The following GLIS3 variants were observed in gnomAD, a reference collection of about 807,000 sequenced individuals.
GLIS3 encodes GLIS family zinc finger 3.
GLIS3 carries 53 observed loss-of-function variants against 78.6 expected under a neutral mutation model. The observed-to-expected ratio is 0.67, with a 90% CI of 0.54 to 0.85. GLIS3 has a LOEUF of 0.85. Ranked by LOEUF, GLIS3 falls within the 40% of genes least tolerant of loss-of-function variation. The probability of loss-of-function intolerance (pLI) is 0.00; values close to 1 mark genes in which losing one functional copy is unlikely to be tolerated. For synonymous variants in GLIS3, 684 were observed against 509.9 expected (o/e 1.34, Z -4.60); for missense variants, 1,703 against 1,231.1 (o/e 1.38, Z -5.74).
chr9:4,259,250 T>TG (rs1274426917), intron 2 of GLIS3, among the ~76,000 whole-genome samples: 1 of 149,396 alleles, frequency 6.7e-6, no homozygotes, highest in African/African-American at 2.5e-5. Flanking sequence ...ATTTCATTTA[T>TG]TTATTTATTT....
At chr9:4,055,704 C>T (rs959552057) in intron 4 of GLIS3, among the ~76,000 whole-genome samples, 1 of 152,100 alleles carries the variant, frequency 6.6e-6, no homozygotes, top group Non-Finnish European at 1.5e-5. Context: ...GTGATCAGGT[C>T]CAAAATAAAA....
At chr9:3,888,936 A>C (rs1017739575) in intron 7 of GLIS3, among the ~76,000 whole-genome samples, 1 of 152,306 alleles carries the variant, frequency 6.6e-6, no homozygotes, top group South Asian at 2.1e-4. Context: ...ATTTTGAGGA[A>C]GCATGTGACA....
rs377419083 is a variant in GLIS3 at position 4,118,218 on chromosome 9, G to A, written c.1260C>T (p.Pro420=). 4.7e-4 allele frequency: 744 copies of A among 1,583,948 alleles called. 5 individuals carry two copies. The African/African-American group carries it at 8.6e-3, about 18-fold the overall frequency. Residue 420 remains proline (P), a synonymous_variant, in exon 4 of 11, where the codon CCC becomes CCT. Transcript: ENST00000381971. The surrounding 1 kb of genome is among the most constrained non-coding windows in gnomAD (Gnocchi z 4.7). ...HMVVQHGLPG[P]DSQSAGLFKT... ...TGAACAGGCCGGCCGACTGGCTGTCGGGGCCCGGCAGGCCATGCTGCACCA... is the reference window on the plus strand; with the variant it reads ...TGAACAGGCCGGCCGACTGGCTGTCAGGGCCCGGCAGGCCATGCTGCACCA...
At chr9:4,288,336 A>G (rs2130363680) in intron 1 of GLIS3, among the ~76,000 whole-genome samples, 1 of 152,330 alleles carries the variant, frequency 6.6e-6, no homozygotes, top group East Asian at 1.9e-4. Flanking sequence ...CCCCGCCAAA[A>G]AAAGGCAAAA....
chr9:4,125,633 A>AGTGTGT lies in GLIS3; in HGVS notation c.596+95_596+100dup, dbSNP rs71497518. 0.22 allele frequency: 168,074 copies of AGTGTGT among 769,106 alleles called. 5,729 individuals are homozygous for AGTGTGT. The highest frequency in any genetic ancestry group is 0.27 in the Middle Eastern group (750 of 2,750). The allele number at this position is 769,106 out of a possible 1,614,324, so 47.6% of individuals were successfully genotyped here. ...AGTTGCTTGAGTGTGTAAGTGTATG[A>AGTGTGT]GTGTGTGTGTGTGTGTGTGTGTATT... is the stretch of plus-strand genomic sequence containing the variant. On this transcript the variant is annotated intron_variant, in intron 3 of 10. Coordinates refer to ENST00000381971, the MANE Select transcript of GLIS3 (RefSeq NM_001042413.2).
At chr9:4,212,591 A>C (rs184446292) in intron 2 of GLIS3, among the ~76,000 whole-genome samples, 3 of 152,324 alleles carry the variant, frequency 2.0e-5, no homozygotes, top group Admixed American at 1.3e-4. Flanking sequence ...TCTCACCTTG[A>C]TTTTGATATC....
intron 2 of GLIS3, among the ~76,000 whole-genome samples, chr9:4,270,489 G>T (rs1046413520): frequency 6.6e-6 from 1 of 152,076 alleles, no homozygotes. Flanking sequence ...AGGCTCAAAC[G>T]GGGAAGCATC....
At chr9:3,938,056 A>C (rs1825993756) in intron 4 of GLIS3, among the ~76,000 whole-genome samples, 1 of 152,186 alleles carries the variant, frequency 6.6e-6, no homozygotes, top group African/African-American at 2.4e-5. Flanking sequence ...AAGTGATTCC[A>C]ATCCTTGAAG....
chr9:4,186,257 T>C (rs1817783264), intron 2 of GLIS3, among the ~76,000 whole-genome samples: 1 of 151,668 alleles, frequency 6.6e-6, no homozygotes, highest in Non-Finnish European at 1.5e-5. Context: ...TGTTTGGCCT[T>C]TTGTCCTTGC....
At chr9:4,187,388 G>C (rs1330608220) in intron 2 of GLIS3, among the ~76,000 whole-genome samples, 1 of 152,074 alleles carries the variant, frequency 6.6e-6, no homozygotes, top group African/African-American at 2.4e-5. Flanking sequence ...ATGCTGTTTT[G>C]GTTACTGTAG....
At chr9:4,486,913 G>C in the GLIS3 span, among the ~76,000 whole-genome samples, 28 of 152,082 alleles carry the variant, frequency 1.8e-4, no homozygotes, top group Non-Finnish European at 2.5e-4. Context: ...GCCCAGGTTG[G>C]TCTCAAACTC....
chr9:4,458,198 A>G, the GLIS3 span, among the ~76,000 whole-genome samples: 79 of 152,228 alleles, frequency 5.2e-4, no homozygotes, highest in African/African-American at 1.8e-3. Context: ...CTTGGGAGAA[A>G]ACATGGCCTC....
At chr9:4,362,325 T>A in the GLIS3 span, among the ~76,000 whole-genome samples, 1 of 152,250 alleles carries the variant, frequency 6.6e-6, no homozygotes, top group Admixed American at 6.5e-5. Context: ...GAATCTCTCA[T>A]TCTTTTTGCT....
chr9:4,286,850 A>C (rs1471566172), intron 1 of GLIS3, among the ~76,000 whole-genome samples: 26 of 152,196 alleles, frequency 1.7e-4, no homozygotes, highest in Admixed American at 1.7e-3. Flanking sequence ...ATCTGTCCAT[A>C]CTAGTTCACT....
intron 8 of GLIS3, among the ~76,000 whole-genome samples, chr9:3,859,185 G>A (rs1474818186): frequency 1.3e-5 from 2 of 152,106 alleles, no homozygotes; most frequent in South Asian, 2.1e-4. Flanking sequence ...AGTAGTCTGA[G>A]GTTATTTATT....
chr9:4,292,577 C>T (rs1210216318), intron 1 of GLIS3, among the ~76,000 whole-genome samples: 1 of 152,138 alleles, frequency 6.6e-6, no homozygotes, highest in African/African-American at 2.4e-5. Context: ...ACATTTTTGG[C>T]TTTATAAAAC....
intron 2 of GLIS3, among the ~76,000 whole-genome samples, chr9:4,268,229 T>TAACAAC (rs33987201): frequency 6.6e-6 from 1 of 151,942 alleles, no homozygotes; most frequent in African/African-American, 2.4e-5. Context: ...GGAGTCATAA[T>TAACAAC]AACAACAACA....
the GLIS3 span, among the ~76,000 whole-genome samples, chr9:4,426,223 CAG>C: frequency 2.6e-5 from 4 of 152,150 alleles, no homozygotes; most frequent in South Asian, 2.1e-4. Context: ...TGCTCCCAAA[CAG>C]AGAGTAGGCT....
At chr9:4,406,315 T>A in the GLIS3 span, among the ~76,000 whole-genome samples, 23 of 152,302 alleles carry the variant, frequency 1.5e-4, no homozygotes, top group African/African-American at 5.3e-4. Context: ...AGATGATACA[T>A]TGTTCTTTTT....
Sources: gnomAD v4.1 joint callset for allele counts (sites outside exome capture counted in the v4.1 genomes callset) on GRCh38, gnomAD v4.1.1 for gene constraint, Gnocchi (gnomAD v3.1) non-coding constraint, MANE v1.5 for transcripts, NCBI Gene and HGNC (gene_info 2026-07-23, HGNC 2026-07-21) for gene names.